The following PRPSAP2 variants were observed in gnomAD, a reference collection of about 807,000 sequenced individuals.
The protein encoded by PRPSAP2 is phosphoribosyl pyrophosphate synthase-associated protein 2.
Under a neutral mutation model 40.6 loss-of-function variants are expected in PRPSAP2, and 24 were observed. The observed-to-expected ratio is 0.59, with a 90% CI of 0.43 to 0.83. PRPSAP2 has a LOEUF of 0.83. Among genes scored for constraint, PRPSAP2 ranks in the 40% least tolerant of loss-of-function variants. PRPSAP2 has a pLI of 0.00. For synonymous variants in PRPSAP2, 149 were observed against 164.7 expected (o/e 0.90, Z 0.73); for missense variants, 292 against 465.6 (o/e 0.63, Z 3.43).
chr17:18,930,966 C>G lies in PRPSAP2; in HGVS notation c.*268C>G, dbSNP rs886219668. On this transcript the variant is annotated 3_prime_UTR_variant, in exon 12 of 12. Coordinates refer to ENST00000268835, the MANE Select transcript of PRPSAP2 (RefSeq NM_002767.4). ...AGTTGTAACTGTTTAAAAAATAACA[C>G]TTGGAATAAGATTTGTAAGCTCACA... is the stretch of plus-strand genomic sequence containing the variant. 1 of 243,390 alleles carries G rather than the reference C, an allele frequency of 4.1e-6. No homozygotes were observed. The highest frequency in any genetic ancestry group is 2.2e-5 in the African/African-American group (1 of 45,046). The allele number at this position is 243,390 out of a possible 1,614,324, so 15.1% of individuals were successfully genotyped here. A position where few individuals can be genotyped will look rare whatever the true frequency, so the allele number is the denominator to read the frequency against.
At chr17:18,900,622 G>T (rs1823239075) in intron 8 of PRPSAP2, among the ~76,000 whole-genome samples, 1 of 152,034 alleles carries the variant, frequency 6.6e-6, no homozygotes, top group African/African-American at 2.4e-5. Context: ...TTCTGATTTT[G>T]CTGGCTTCTC....
intron 8 of PRPSAP2, among the ~76,000 whole-genome samples, chr17:18,898,038 C>T (rs1407813317): frequency 2.4e-5 from 3 of 127,582 alleles, no homozygotes; most frequent in African/African-American, 8.8e-5. Context: ...CTCGCTCTGT[C>T]ACCAGGTTGG....
chr17:18,904,339 C>G (rs2040451937), intron 8 of PRPSAP2: 1 of 151,930 alleles, frequency 6.6e-6, no homozygotes, highest in Admixed American at 6.6e-5. Context: ...ACTACAACCT[C>G]CACCTCCTGG....
intron 4 of PRPSAP2, among the ~76,000 whole-genome samples, chr17:18,870,944 C>T (rs1342374008): frequency 6.6e-6 from 1 of 152,028 alleles, no homozygotes; most frequent in African/African-American, 2.4e-5. Context: ...AGACACCGCA[C>T]CCAGCCCAAC....
intron 8 of PRPSAP2, among the ~76,000 whole-genome samples, chr17:18,906,200 G>A (rs563102206): frequency 6.6e-6 from 1 of 150,534 alleles, no homozygotes; most frequent in Admixed American, 6.7e-5. Flanking sequence ...ACGTGTGTCT[G>A]AGATTGTTTG....
At chr17:18,864,261 G>A (rs1840088657) in intron 1 of PRPSAP2, among the ~76,000 whole-genome samples, 1 of 151,946 alleles carries the variant, frequency 6.6e-6, no homozygotes, top group African/African-American at 2.4e-5. Flanking sequence ...CTGGGATCGA[G>A]GCTGGTGACT....
chr17:18,870,684 C>T (rs1156363615), intron 4 of PRPSAP2, among the ~76,000 whole-genome samples: 2 of 151,836 alleles, frequency 1.3e-5, no homozygotes, highest in East Asian at 1.9e-4. Context: ...TGGCACACAG[C>T]TGTAATCCTA....
chr17:18,904,225 C>T (rs1480182186), intron 8 of PRPSAP2: 1 of 152,100 alleles, frequency 6.6e-6, no homozygotes, highest in African/African-American at 2.4e-5. Context: ...AAATTAAATA[C>T]CATTATGTAG....
At chr17:18,884,176 A>C (rs2038965949) in intron 7 of PRPSAP2, among the ~76,000 whole-genome samples, 1 of 152,134 alleles carries the variant, frequency 6.6e-6, no homozygotes, top group Non-Finnish European at 1.5e-5. Flanking sequence ...CTGAGGCAGG[A>C]GAATTGCTTG....
intron 1 of PRPSAP2, chr17:18,860,600 C>G (rs190526675): frequency 2.6e-5 from 4 of 152,294 alleles, no homozygotes; most frequent in African/African-American, 9.6e-5. Context: ...AAGGCTGAGG[C>G]CCAGCAAGGA....
chr17:18,917,605 T>TTTTTTTTTTTTTTTTTA (rs2041441127), intron 9 of PRPSAP2: 1 of 115,150 alleles, frequency 8.7e-6, no homozygotes, highest in Non-Finnish European at 1.8e-5. Flanking sequence ...TTTTTTTTTT[T>TTTTTTTTTTTTTTTTTA]TTTTTTTTTT....
intron 9 of PRPSAP2, among the ~76,000 whole-genome samples, chr17:18,919,922 AT>A (rs1413402946): frequency 6.6e-6 from 1 of 152,082 alleles, no homozygotes; most frequent in East Asian, 1.9e-4. Context: ...AGGGTTCAGG[AT>A]TTGGGGCTGG....
At chr17:18,918,122 G>A (rs2428366) in intron 9 of PRPSAP2, among the ~76,000 whole-genome samples, 135,760 of 152,076 alleles carry the variant, frequency 0.89, 61,136 homozygotes, top group Non-Finnish European at 0.94. Context: ...AGCCATGCAC[G>A]CAGCTGGGAT....
Position 18,926,427 on chromosome 17 carries a change from C to T in PRPSAP2, c.805-2384C>T, listed in dbSNP as rs573675095. Among the ~76,000 whole-genome samples the T allele has an allele frequency of 3.3e-5, 5 of 151,760 alleles. No homozygotes were observed. In the South Asian group the frequency reaches 8.4e-4, roughly 25 times the overall value. ...GACTACAGGTGCACGCCACCACGTC[C>T]GGCTAATTTTTGTATTTTTTTTGTA... On this transcript the variant is annotated intron_variant, in intron 10 of 11. Coordinates refer to ENST00000268835, the MANE Select transcript of PRPSAP2 (RefSeq NM_002767.4).
intron 4 of PRPSAP2, among the ~76,000 whole-genome samples, chr17:18,870,868 T>C (rs2037808924): frequency 6.6e-6 from 1 of 152,020 alleles, no homozygotes; most frequent in South Asian, 2.1e-4. Context: ...GACAATTCTT[T>C]TTTTTTCTGT....
intron 7 of PRPSAP2, among the ~76,000 whole-genome samples, chr17:18,884,046 A>G (rs927390109): frequency 6.6e-6 from 1 of 151,984 alleles, no homozygotes; most frequent in Non-Finnish European, 1.5e-5. Flanking sequence ...AGGCGGGTGG[A>G]TCACTTGAGG....
Position 18,911,053 on chromosome 17 carries a change from G to T in PRPSAP2, c.585-50G>T. On this transcript the variant is annotated intron_variant, in intron 8 of 11. Coordinates refer to ENST00000268835, the MANE Select transcript of PRPSAP2 (RefSeq NM_002767.4). This position sits in a 1 kb window ranked among gnomAD's most constrained non-coding sequence, Gnocchi z 4.5. ...ATGTTTTGTCCCCTAGGCATTAGCA[G>T]AACCAAGGGCTGCATGAGTTTTGAG... is the stretch of plus-strand genomic sequence containing the variant. 6.5e-7 allele frequency: 1 copy of T among 1,545,214 alleles called. No homozygotes were observed. The highest frequency in any genetic ancestry group is 1.2e-5 in the South Asian group (1 of 81,870).
intron 9 of PRPSAP2, among the ~76,000 whole-genome samples, chr17:18,921,697 C>T (rs1172677630): frequency 6.6e-6 from 1 of 152,174 alleles, no homozygotes; most frequent in Non-Finnish European, 1.5e-5. Flanking sequence ...TGCTAAACTT[C>T]TCACAGTACG....
chr17:18,901,652 A>C (rs1437853128), intron 8 of PRPSAP2, among the ~76,000 whole-genome samples: 1 of 152,214 alleles, frequency 6.6e-6, no homozygotes, highest in African/African-American at 2.4e-5. Context: ...CTAGGATTAC[A>C]GGCATGAGCC....
Sources: allele counts gnomAD v4.1 joint callset (sites outside exome capture counted in the v4.1 genomes callset), GRCh38; gene constraint gnomAD v4.1.1; non-coding constraint Gnocchi (gnomAD v3.1); transcripts MANE v1.5; gene names NCBI Gene and HGNC (gene_info 2026-07-23, HGNC 2026-07-21).